The following NUDC variants were observed in gnomAD, a reference collection of about 807,000 sequenced individuals.
The protein encoded by NUDC is nuclear distribution C, dynein complex regulator.
Under a neutral mutation model 45.0 loss-of-function variants are expected in NUDC, and 14 were observed. That is an observed-to-expected ratio of 0.31 (90% CI 0.21 to 0.49). The LOEUF is 0.49. NUDC is among the 20% of genes least tolerant of loss of function. The pLI is 0.99. For synonymous variants in NUDC, 153 were observed against 156.7 expected (o/e 0.98, Z 0.17); for missense variants, 323 against 426.2 (o/e 0.76, Z 2.13).
intron 2 of NUDC, among the ~76,000 whole-genome samples, chr1:26,936,134 AATATATATATATAT>A (rs1215586103): frequency 1.8e-3 from 12 of 6,812 alleles, no homozygotes; most frequent in Admixed American, 3.3e-3. Context: ...ACGCCCGGCT[AATATATATATATAT>A]ATATATATAT....
At chr1:26,924,395 A>T (rs529396341) in intron 2 of NUDC, among the ~76,000 whole-genome samples, 78 of 152,264 alleles carry the variant, frequency 5.1e-4, no homozygotes, top group Non-Finnish European at 9.7e-4. Flanking sequence ...GCAGGTGTTA[A>T]CTATCCCCAT....
At position 26,945,692 on chromosome 1, in the gene NUDC, C is replaced by G; in HGVS notation, c.944+6C>G. The G allele has an allele frequency of 6.2e-7, 1 of 1,605,184 alleles. No homozygotes were observed. On this transcript the variant is annotated splice_donor_region_variant and intron_variant, in intron 8 of 8. Transcript: ENST00000321265. The stretch of plus-strand genomic sequence containing the variant: ...AAACAGGAGATTCTGAAGAAGTGAG[C>G]AATTCAGAGACGGGGTTGGGGGACC...
intron 2 of NUDC, among the ~76,000 whole-genome samples, chr1:26,906,183 G>A (rs971812646): frequency 1.6e-4 from 24 of 152,256 alleles, no homozygotes; most frequent in African/African-American, 5.5e-4. Context: ...GGGAGGTTGG[G>A]CAGGAGAATC....
At chr1:26,927,666 G>T (rs112594206) in intron 2 of NUDC, among the ~76,000 whole-genome samples, 1,579 of 151,994 alleles carry the variant, frequency 0.01, 29 homozygotes, top group African/African-American at 0.036. Flanking sequence ...AAAGTGCTGG[G>T]ATTACAGTCA....
intron 3 of NUDC, chr1:26,911,285 G>T (rs1357274369): frequency 2.4e-6 from 1 of 409,632 alleles, no homozygotes; most frequent in South Asian, 1.9e-5. Context: ...GTTAGTGAAG[G>T]GTTTGGGAAT....
chr1:26,913,476 G>A, intron 3 of NUDC: 5 of 1,614,080 alleles, frequency 3.1e-6, no homozygotes, highest in South Asian at 2.2e-5. Flanking sequence ...GGCTCCAGAA[G>A]GACTCCAGAC....
At chr1:26,944,249 C>T (rs1219533618) in intron 6 of NUDC, among the ~76,000 whole-genome samples, 1 of 152,062 alleles carries the variant, frequency 6.6e-6, no homozygotes, top group Non-Finnish European at 1.5e-5. Flanking sequence ...CTTGTTCTCA[C>T]CCAGGCTGGA....
At chr1:26,946,051 C>T in intron 8 of NUDC, 79 bp from the exon 9 acceptor site, 1 of 1,415,378 alleles carries the variant, frequency 7.1e-7, no homozygotes, top group South Asian at 1.1e-5. Context: ...AGAGATTAGA[C>T]TTGACACGGG....
chr1:26,931,174 T>A (rs1317638898), intron 2 of NUDC, among the ~76,000 whole-genome samples: 1 of 150,574 alleles, frequency 6.6e-6, no homozygotes, highest in African/African-American at 2.4e-5. Flanking sequence ...GCCTCCCAGG[T>A]TCCAGCAGTT....
intron 2 of NUDC, among the ~76,000 whole-genome samples, chr1:26,938,844 C>T (rs766069527): frequency 1.3e-5 from 2 of 152,162 alleles, no homozygotes; most frequent in Non-Finnish European, 2.9e-5. Flanking sequence ...CACATGCACA[C>T]TGTGTATGGG....
intron 3 of NUDC, 37 bp from the exon 4 acceptor site, chr1:26,941,716 G>A: frequency 6.2e-7 from 1 of 1,613,750 alleles, no homozygotes; most frequent in Non-Finnish European, 8.5e-7. Flanking sequence ...ACTGAGCAGT[G>A]GGGTCCTGTT....
At chr1:26,945,145 C>T in intron 6 of NUDC, 1 of 587,338 alleles carries the variant, frequency 1.7e-6, no homozygotes, top group Non-Finnish European at 3.1e-6. Flanking sequence ...CTCCCTCCAC[C>T]CTGGATGAAT....
chr1:26,909,418 G>A (rs890370954), intron 2 of NUDC, among the ~76,000 whole-genome samples: 7 of 152,144 alleles, frequency 4.6e-5, no homozygotes, highest in African/African-American at 1.4e-4. Flanking sequence ...AGTGGTGCCT[G>A]GCAAGGTAGA....
intron 2 of NUDC, among the ~76,000 whole-genome samples, chr1:26,932,612 T>C (rs577628755): frequency 1.3e-4 from 20 of 152,186 alleles, no homozygotes; most frequent in Non-Finnish European, 2.6e-4. Flanking sequence ...TGTGAGCCAC[T>C]GTGCTGGCCC....
chr1:26,933,659 C>G (rs1201679793), intron 2 of NUDC, among the ~76,000 whole-genome samples: 1 of 152,016 alleles, frequency 6.6e-6, no homozygotes, highest in Non-Finnish European at 1.5e-5. Context: ...GGTGATCCAC[C>G]CGCCTCGGCC....
chr1:26,914,844 G>C (rs2082052694), intron 3 of NUDC, among the ~76,000 whole-genome samples: 1 of 151,900 alleles, frequency 6.6e-6, no homozygotes, highest in South Asian at 2.1e-4. Context: ...GCATGTGCCT[G>C]TAGTCCCAGC....
intron 4 of NUDC, 135 bp downstream of exon 4, chr1:26,941,953 C>CT (rs1343870434): frequency 5.8e-6 from 5 of 863,258 alleles, no homozygotes; most frequent in Admixed American, 4.0e-5. Context: ...CTTCCCCATA[C>CT]TTTAAGATCA....
At chr1:26,917,442 G>T (rs1557668961), upstream of NUDC, among the ~76,000 whole-genome samples, 1 of 151,842 alleles carries the variant, frequency 6.6e-6, no homozygotes, top group African/African-American at 2.4e-5. Flanking sequence ...CACGCCTGTA[G>T]TCCCAGCTTT....
intron 2 of NUDC, among the ~76,000 whole-genome samples, chr1:26,910,371 T>G (rs1486512136): frequency 6.6e-6 from 1 of 152,156 alleles, no homozygotes; most frequent in Non-Finnish European, 1.5e-5. Flanking sequence ...TGTTTTTGTC[T>G]CTATCTGGTG....
Sources: allele counts gnomAD v4.1 joint callset (sites outside exome capture counted in the v4.1 genomes callset), GRCh38; gene constraint gnomAD v4.1.1; transcripts MANE v1.5; gene names NCBI Gene and HGNC (gene_info 2026-07-23, HGNC 2026-07-21).